Variants in SLCO3A1 observed in about 807,000 individuals in gnomAD.
SLCO3A1 encodes the protein solute carrier organic anion transporter family member 3A1.
Under a neutral mutation model 63.1 loss-of-function variants are expected in SLCO3A1, and 27 were observed. The ratio of observed to expected loss-of-function variants is 0.43; its 90% CI spans 0.32 to 0.59. The LOEUF (loss-of-function observed/expected upper bound fraction) is 0.59. SLCO3A1 is among the 20% of genes least tolerant of loss of function. The pLI, the probability that SLCO3A1 is intolerant of heterozygous loss-of-function variation, is 0.09. For synonymous variants in SLCO3A1, 473 were observed against 409.9 expected (o/e 1.15, Z -1.86); for missense variants, 773 against 945.8 (o/e 0.82, Z 2.40).
In SLCO3A1 at chr15:91,900,875, A is replaced by C. The variant is rs555967498; in HGVS notation, c.181-15118A>C. Among the ~76,000 whole-genome samples the C allele has an allele frequency of 1.3e-5, 2 of 152,214 alleles. No homozygotes were observed. The highest frequency in any genetic ancestry group is 4.8e-5 in the African/African-American group (2 of 41,522). On this transcript the variant is annotated intron_variant, in intron 1 of 9. Transcript: ENST00000318445. The surrounding 1 kb of genome is among the most constrained non-coding windows in gnomAD (Gnocchi z 4.3). ...TTTTGTTCAAATCATCTTTATCCTT[A>C]CTGATTTTCTGTCTCATTGTTTTAT... is the stretch of plus-strand genomic sequence containing the variant.
intron 3 of SLCO3A1, among the ~76,000 whole-genome samples, chr15:92,103,303 G>A (rs2047628223): frequency 6.6e-6 from 1 of 152,124 alleles, no homozygotes; most frequent in Non-Finnish European, 1.5e-5. Context: ...GCTCACCTGG[G>A]AGCTGTGCTG....
At chr15:92,123,209 G>A (rs1306305308) in intron 5 of SLCO3A1, among the ~76,000 whole-genome samples, 3 of 152,166 alleles carry the variant, frequency 2.0e-5, no homozygotes, top group African/African-American at 7.2e-5. Flanking sequence ...TGGATCACCT[G>A]AGGTCAAGAG....
chr15:91,962,075 G>T (rs1390930886), intron 2 of SLCO3A1, among the ~76,000 whole-genome samples: 1 of 152,192 alleles, frequency 6.6e-6, no homozygotes, highest in Non-Finnish European at 1.5e-5. Context: ...GCCATCTCAG[G>T]CTCGCAGGGC....
At chr15:92,030,453 G>A (rs1487916205) in intron 2 of SLCO3A1, among the ~76,000 whole-genome samples, 1 of 152,148 alleles carries the variant, frequency 6.6e-6, no homozygotes. Flanking sequence ...TGCTAGAGCC[G>A]CAGTCAGTAA....
chr15:92,023,786 A>G (rs1567072081), intron 2 of SLCO3A1, among the ~76,000 whole-genome samples: 1 of 152,176 alleles, frequency 6.6e-6, no homozygotes, highest in Non-Finnish European at 1.5e-5. Context: ...ATTTTTCATA[A>G]ACAAACTTAA....
At chr15:92,169,209 A>G (rs2048508582), downstream of SLCO3A1, among the ~76,000 whole-genome samples, 1 of 152,236 alleles carries the variant, frequency 6.6e-6, no homozygotes, top group Non-Finnish European at 1.5e-5. Flanking sequence ...GAAGAAAATG[A>G]GACTCGGAAG....
chr15:92,158,271 G>T (rs570398199), intron 9 of SLCO3A1, among the ~76,000 whole-genome samples: 1 of 152,236 alleles, frequency 6.6e-6, no homozygotes, highest in South Asian at 2.1e-4. Context: ...AGCCAGTTAC[G>T]CCAGGAGCTT....
intron 2 of SLCO3A1, among the ~76,000 whole-genome samples, chr15:91,974,724 G>C (rs1901031007): frequency 6.6e-6 from 1 of 152,220 alleles, no homozygotes; most frequent in South Asian, 2.1e-4. Flanking sequence ...TCCGAAAGAG[G>C]AAAGATGTGC....
At chr15:92,047,575 TATATATAATATATATATA>T (rs1415314279) in intron 2 of SLCO3A1, among the ~76,000 whole-genome samples, 911 of 21,384 alleles carry the variant, frequency 0.043, 243 homozygotes, top group Non-Finnish European at 0.048. Flanking sequence ...TATATAAATA[TATATATAATATATATATA>T]ATATATAATA....
chr15:91,972,923 C>T (rs1193347322), intron 2 of SLCO3A1, among the ~76,000 whole-genome samples: 1 of 152,184 alleles, frequency 6.6e-6, no homozygotes, highest in East Asian at 1.9e-4. Context: ...GGGTTCGAGA[C>T]CATCCTGGCC....
intron 4 of SLCO3A1, among the ~76,000 whole-genome samples, chr15:92,115,401 G>A (rs149656890): frequency 5.9e-5 from 9 of 152,222 alleles, no homozygotes; most frequent in South Asian, 2.1e-4. Context: ...GCAGCAAGTC[G>A]TGTATCCCCA....
intron 1 of SLCO3A1, among the ~76,000 whole-genome samples, chr15:91,889,402 T>A (rs1803388117): frequency 6.6e-6 from 1 of 152,212 alleles, no homozygotes; most frequent in Non-Finnish European, 1.5e-5. Context: ...CTGCCTCTTC[T>A]TACATCCCAG....
intron 2 of SLCO3A1, among the ~76,000 whole-genome samples, chr15:92,025,477 A>G (rs1384377467): frequency 1.3e-5 from 2 of 152,066 alleles, no homozygotes; most frequent in South Asian, 2.1e-4. Context: ...CACTACTACT[A>G]CTGCTGCTGC....
At chr15:92,004,334 G>A (rs6496886) in intron 2 of SLCO3A1, among the ~76,000 whole-genome samples, 80,240 of 152,050 alleles carry the variant, frequency 0.53, 21,534 homozygotes, top group East Asian at 0.73. Flanking sequence ...GATGGTGTCC[G>A]TCTCATGGAA....
At position 91,855,031 on chromosome 15, in the gene SLCO3A1, T is replaced by G. The variant is rs116619395; in HGVS notation, c.180+943T>G. Among the ~76,000 whole-genome samples, 1,281 of 152,244 alleles carry G rather than the reference T, an allele frequency of 8.4e-3. 14 individuals carry two copies. Among genetic ancestry groups the G allele is most frequent in the African/African-American group, 0.029 (1,216 of 41,530 alleles). On this transcript the variant is annotated intron_variant, in intron 1 of 9. Coordinates refer to ENST00000318445, the MANE Select transcript of SLCO3A1 (RefSeq NM_013272.4). The stretch of plus-strand genomic sequence containing the variant: ...GTACAGTCCTGTCTAAACGGGAAAT[T>G]TTTTTTGAGAGTTTATAGTGTTAAA...
At chr15:92,127,393 G>T (rs367862913) in intron 6 of SLCO3A1, among the ~76,000 whole-genome samples, 1 of 152,092 alleles carries the variant, frequency 6.6e-6, no homozygotes, top group Admixed American at 6.5e-5. Flanking sequence ...TAGTTCCAGC[G>T]CCTCCTCTAC....
At chr15:91,961,824 G>A (rs1597161643) in intron 2 of SLCO3A1, among the ~76,000 whole-genome samples, 2 of 152,208 alleles carry the variant, frequency 1.3e-5, no homozygotes, top group Admixed American at 6.5e-5. Context: ...CTATGAGAGC[G>A]ACCCATTCAC....
At chr15:91,972,416 G>A (rs7171921) in intron 2 of SLCO3A1, among the ~76,000 whole-genome samples, 1 of 151,592 alleles carries the variant, frequency 6.6e-6, no homozygotes, top group Admixed American at 6.6e-5. Flanking sequence ...CCCCAGAGAG[G>A]TGCCTCGCCC....
chr15:91,952,617 A>C (rs1900037392), intron 2 of SLCO3A1, among the ~76,000 whole-genome samples: 1 of 152,222 alleles, frequency 6.6e-6, no homozygotes, highest in South Asian at 2.1e-4. Flanking sequence ...TCTGGCTATG[A>C]TGTTCAAGAT....
Sources: allele counts gnomAD v4.1 joint callset (sites outside exome capture counted in the v4.1 genomes callset), GRCh38; gene constraint gnomAD v4.1.1; non-coding constraint Gnocchi (gnomAD v3.1); transcripts MANE v1.5; gene names NCBI Gene and HGNC (gene_info 2026-07-23, HGNC 2026-07-21).